The following FOCAD variants were observed in gnomAD, a reference collection of about 807,000 sequenced individuals.
FOCAD encodes the protein KIAA1797.
Under a neutral mutation model 225.6 loss-of-function variants are expected in FOCAD, and 198 were observed. The ratio of observed to expected loss-of-function variants is 0.88; its 90% CI spans 0.78 to 0.99. FOCAD has a LOEUF of 0.99. FOCAD is among the 50% of genes least tolerant of loss of function. The pLI is 0.00. For synonymous variants in FOCAD, 897 were observed against 755.0 expected, an observed-to-expected ratio of 1.19 and a Z score of -3.08; for missense variants, 2,713 against 2,123.6, an observed-to-expected ratio of 1.28 and a Z score of -5.46.
At chr9:20,705,885 G>A (rs960386507) in intron 1 of FOCAD, among the ~76,000 whole-genome samples, 1 of 145,590 alleles carries the variant, frequency 6.9e-6, no homozygotes, top group Non-Finnish European at 1.5e-5. Context: ...AGAATAATTA[G>A]AGAAAATTTG....
At chr9:20,976,259 A>C in intron 35 of FOCAD, 161 bp from the exon 36 acceptor site, 1 of 575,100 alleles carries the variant, frequency 1.7e-6, no homozygotes, top group South Asian at 3.4e-5. Flanking sequence ...TTTTCTGGCA[A>C]ATGGAGTTGA....
At chr9:20,694,268 A>G (rs1373537489) in intron 1 of FOCAD, among the ~76,000 whole-genome samples, 1 of 152,212 alleles carries the variant, frequency 6.6e-6, no homozygotes, top group Non-Finnish European at 1.5e-5. Context: ...CTCCACCTCC[A>G]CATATCTTAC....
chr9:20,722,566 G>A (rs1825872614), intron 4 of FOCAD, among the ~76,000 whole-genome samples: 1 of 152,320 alleles, frequency 6.6e-6, no homozygotes, highest in South Asian at 2.1e-4. Context: ...CTTAGTAGAT[G>A]CCCAGATATT....
intron 2 of FOCAD, among the ~76,000 whole-genome samples, chr9:20,665,962 T>G (rs1821888436): frequency 6.6e-6 from 1 of 152,072 alleles, no homozygotes; most frequent in Non-Finnish European, 1.5e-5. Flanking sequence ...TGGCGTGGTC[T>G]CAGCTCACTG....
Position 20,778,687 on chromosome 9 carries a change from C to T in FOCAD, c.913C>T (p.Pro305Ser). The change falls in exon 9 of 44, where the codon CCT (proline) becomes TCT (serine). Residue 305 changes from proline to serine, a missense_variant. Coordinates refer to ENST00000338382, the MANE Select transcript of FOCAD (RefSeq NM_001375567.1). The part of the protein sequence containing the change: ...HSVELLKEDF[P>S]VELVIIGIAL... ...TCCCCCTCTATTCTTTTAGGATTTT[C>T]CTGTTGAACTGGTCATAATTGGAAT... The T allele has an allele frequency of 6.2e-7, 1 of 1,604,048 alleles. No individual in the cohort carries two copies. Among genetic ancestry groups the T allele is most frequent in the South Asian group, 1.1e-5 (1 of 90,552 alleles).
chr9:20,910,524 G>T (rs1040232145), intron 22 of FOCAD, among the ~76,000 whole-genome samples: 2 of 151,956 alleles, frequency 1.3e-5, no homozygotes, highest in African/African-American at 4.8e-5. Flanking sequence ...TGTGTAGGAA[G>T]CTAGGTGAAA....
chr9:20,959,857 A>G (rs1193922973), intron 35 of FOCAD, among the ~76,000 whole-genome samples: 6 of 152,114 alleles, frequency 3.9e-5, no homozygotes, highest in Admixed American at 3.3e-4. Flanking sequence ...ATATAGATTA[A>G]TTTCTGAGTT....
chr9:20,689,345 AGGG>A (rs1473612156), intron 1 of FOCAD, among the ~76,000 whole-genome samples: 18 of 150,308 alleles, frequency 1.2e-4, no homozygotes, highest in African/African-American at 4.2e-4. Context: ...CCAGGGAGGA[AGGG>A]TAGAATGTGA....
At chr9:20,719,778 C>CATT (rs773031183) in intron 3 of FOCAD, among the ~76,000 whole-genome samples, 2 of 62,112 alleles carry the variant, frequency 3.2e-5, no homozygotes, top group Non-Finnish European at 5.6e-5. Context: ...TTTTCCTAGG[C>CATT]TTTTTTTTTT....
chr9:20,882,311 C>G lies in FOCAD; in HGVS notation c.2503+255C>G, dbSNP rs556058633. On this transcript the variant is annotated intron_variant, in intron 20 of 43. Coordinates refer to ENST00000338382, the MANE Select transcript of FOCAD (RefSeq NM_001375567.1). Reference sequence around the variant, plus strand: ...CCACCTTGGGGGATACCCACTCAGCCCAGAGGCATGGCCTGTTGGAAGAAA... The same window carrying G: ...CCACCTTGGGGGATACCCACTCAGCGCAGAGGCATGGCCTGTTGGAAGAAA... 5.3e-5 allele frequency among the ~76,000 whole-genome samples: 8 copies of G among 149,874 alleles called. No homozygotes were observed. The South Asian group carries it at 1.5e-3, about 27-fold the overall frequency.
chr9:20,942,116 A>G (rs977720065), intron 28 of FOCAD, among the ~76,000 whole-genome samples: 1 of 152,252 alleles, frequency 6.6e-6, no homozygotes, highest in African/African-American at 2.4e-5. Flanking sequence ...TAGCATGTAT[A>G]TACATACACT....
chr9:20,972,473 A>G (rs1019399222), intron 35 of FOCAD, among the ~76,000 whole-genome samples: 4 of 151,588 alleles, frequency 2.6e-5, no homozygotes, highest in Non-Finnish European at 5.9e-5. Flanking sequence ...TTCTTTGCCC[A>G]TTTTTATATG....
chr9:20,802,183 G>A (rs1314226790), intron 11 of FOCAD, among the ~76,000 whole-genome samples: 1 of 152,124 alleles, frequency 6.6e-6, no homozygotes, highest in Non-Finnish European at 1.5e-5. Context: ...TTTGGAAGCT[G>A]TGTCCTGTCA....
chr9:20,838,987 G>A (rs1454434979), intron 15 of FOCAD, among the ~76,000 whole-genome samples: 1 of 152,054 alleles, frequency 6.6e-6, no homozygotes, highest in African/African-American at 2.4e-5. Flanking sequence ...CATGTGTTAT[G>A]TACAGTAGCC....
At chr9:20,955,117 G>C (rs1838018217) in intron 35 of FOCAD, among the ~76,000 whole-genome samples, 1 of 152,186 alleles carries the variant, frequency 6.6e-6, no homozygotes, top group South Asian at 2.1e-4. Context: ...ACTCTTTTGA[G>C]GAATAAATGG....
upstream of FOCAD, among the ~76,000 whole-genome samples, chr9:20,679,460 G>A (rs1215587912): frequency 6.6e-6 from 1 of 152,132 alleles, no homozygotes; most frequent in Non-Finnish European, 1.5e-5. Flanking sequence ...TCCTGATGCT[G>A]TGGGTGACAT....
chr9:20,976,413 G>T lies in FOCAD; in HGVS notation c.4133-7G>T. 1 of 1,612,416 alleles carries T rather than the reference G, an allele frequency of 6.2e-7. No homozygotes were observed. Among genetic ancestry groups the T allele is most frequent in the Admixed American group, 1.7e-5 (1 of 59,940 alleles). On this transcript the variant is annotated splice_region_variant and splice_polypyrimidine_tract_variant and intron_variant, in intron 35 of 43. Transcript: ENST00000338382. ...GTTTTACTATTATTTTTCACTGTCT[G>T]TTATAGGTCCTGAATCTGTGCCTCC...
chr9:20,794,820 A>C (rs1820887142), intron 11 of FOCAD, among the ~76,000 whole-genome samples: 1 of 152,178 alleles, frequency 6.6e-6, no homozygotes, highest in African/African-American at 2.4e-5. Context: ...TGAACCTGGC[A>C]TATTTCTTCC....
intron 4 of FOCAD, among the ~76,000 whole-genome samples, chr9:20,735,142 T>G (rs905436352): frequency 6.6e-6 from 1 of 152,172 alleles, no homozygotes; most frequent in South Asian, 2.1e-4. Context: ...TATTCTCTGC[T>G]CAGTTTGCTA....
Sources: gnomAD v4.1 joint callset for allele counts (sites outside exome capture counted in the v4.1 genomes callset) on GRCh38, gnomAD v4.1.1 for gene constraint, MANE v1.5 for transcripts, NCBI Gene and HGNC (gene_info 2026-07-23, HGNC 2026-07-21) for gene names.